The following PRSS38 variants were observed in gnomAD, a reference collection of about 807,000 sequenced individuals.
PRSS38 encodes the protein marapsin 2.
Under a neutral mutation model 26.8 loss-of-function variants are expected in PRSS38, and 22 were observed. The observed-to-expected ratio is 0.82, with a 90% confidence interval of 0.59 to 1.17. The LOEUF (loss-of-function observed/expected upper bound fraction) is 1.17, where lower values mean the gene tolerates loss of function less well. Ranked by LOEUF, PRSS38 falls within the 50% of genes most tolerant of loss-of-function variation. PRSS38 has a pLI of 0.00. For synonymous variants in PRSS38, 175 were observed against 172.1 expected, an observed-to-expected ratio of 1.02 and a Z score of -0.13; for missense variants, 427 against 422.7, an observed-to-expected ratio of 1.01 and a Z score of -0.09.
intron 3 of PRSS38, among the ~76,000 whole-genome samples, chr1:227,829,631 T>C (rs1047619664): frequency 6.6e-6 from 1 of 152,230 alleles, no homozygotes; most frequent in Admixed American, 6.5e-5. Flanking sequence ...CTCAATTTCA[T>C]TTTAATTGTT....
In PRSS38 at chr1:227,817,203, C is replaced by A. The variant is rs1214183326; in HGVS notation, c.312-6C>A. On this transcript the variant is annotated splice_region_variant and splice_polypyrimidine_tract_variant and intron_variant, in intron 2 of 4. Coordinates refer to ENST00000366757, the Ensembl canonical transcript of PRSS38. ...GGGCATTGTACCTCTGTTCTCACCCCCACAGGGACAAGAATATCAAAATCT... is the reference window on the plus strand; with the variant it reads ...GGGCATTGTACCTCTGTTCTCACCCACACAGGGACAAGAATATCAAAATCT... 1 of 1,611,482 alleles carries A rather than the reference C, an allele frequency of 6.2e-7. No homozygotes were observed. The highest frequency in any genetic ancestry group is 1.7e-5 in the Admixed American group (1 of 59,984).
intron 3 of PRSS38, among the ~76,000 whole-genome samples, chr1:227,824,608 T>C (rs1048965835): frequency 6.6e-6 from 1 of 152,214 alleles, no homozygotes; most frequent in Non-Finnish European, 1.5e-5. Flanking sequence ...CTGGGTCAGA[T>C]AGTATTTCTG....
At chr1:227,820,876 T>G (rs1036544164) in intron 3 of PRSS38, among the ~76,000 whole-genome samples, 1 of 152,214 alleles carries the variant, frequency 6.6e-6, no homozygotes, top group Non-Finnish European at 1.5e-5. Flanking sequence ...GAGATTCTTA[T>G]TGTTGAATCA....
exon 3 of PRSS38, chr1:227,817,410 T>C: frequency 2.5e-6 from 4 of 1,614,156 alleles, no homozygotes; most frequent in Non-Finnish European, 3.4e-6. Context: ...CGGTTTGCCT[T>C]GCAACTCCAG....
rs537495711 is a variant in PRSS38 at position 227,815,861 on chromosome 1, G to A, written c.145G>A (p.Val49Met). Reference sequence around the variant, plus strand: ...CCAGGGAATCTCCCTAACTGGCAGCGTGGGTAGGCCCTGCCCCAGGGGCGG... The same window carrying A: ...CCAGGGAATCTCCCTAACTGGCAGCATGGGTAGGCCCTGCCCCAGGGGCGG... The change falls in exon 1 of 5, where the codon GTG becomes ATG. Residue 49 changes from valine to methionine, a missense_variant. By Grantham distance (21) the Val-to-Met change is conservative. Coordinates refer to ENST00000366757, the Ensembl canonical transcript of PRSS38. 30 of 1,604,726 alleles carry A rather than the reference G, an allele frequency of 1.9e-5. No individual in the cohort carries two copies. In the South Asian group the frequency reaches 2.0e-4, roughly 11 times the overall value.
chr1:227,824,750 A>G (rs567952656), intron 3 of PRSS38, among the ~76,000 whole-genome samples: 1 of 152,292 alleles, frequency 6.6e-6, no homozygotes, highest in South Asian at 2.1e-4. Flanking sequence ...TTGACTTTTT[A>G]GTAATAGCCA....
exon 3 of PRSS38, chr1:227,817,428 C>G (rs1664939788): frequency 6.2e-7 from 1 of 1,614,032 alleles, no homozygotes; most frequent in Non-Finnish European, 8.5e-7. Flanking sequence ...CAGAAGTGAA[C>G]CTTACCAGTG....
At chr1:227,843,678 G>A (rs1377176957) in intron 3 of PRSS38, among the ~76,000 whole-genome samples, 1 of 151,768 alleles carries the variant, frequency 6.6e-6, no homozygotes, top group African/African-American at 2.4e-5. Context: ...TTGCACTCCA[G>A]CCTGGGCAAT....
In PRSS38 at chr1:227,817,208, G is replaced by A; in HGVS notation, c.312-1G>A. On this transcript the variant is annotated splice_acceptor_variant, in intron 2 of 4. Coordinates refer to ENST00000366757, the Ensembl canonical transcript of PRSS38. LOFTEE classifies it high-confidence loss of function. ...TTGTACCTCTGTTCTCACCCCCACA[G>A]GGACAAGAATATCAAAATCTATGAC... 6.2e-7 allele frequency: 1 copy of A among 1,612,062 alleles called. No homozygotes were observed. Among genetic ancestry groups the A allele is most frequent in the Non-Finnish European group, 8.5e-7 (1 of 1,178,450 alleles).
At chr1:227,830,627 G>A (rs1244876520) in intron 3 of PRSS38, among the ~76,000 whole-genome samples, 1 of 150,784 alleles carries the variant, frequency 6.6e-6, no homozygotes, top group Non-Finnish European at 1.5e-5. Context: ...GAGTAGCTGG[G>A]ATTACAGGCG....
chr1:227,829,659 A>T (rs548904168), intron 3 of PRSS38, among the ~76,000 whole-genome samples: 112 of 152,306 alleles, frequency 7.4e-4, no homozygotes, highest in African/African-American at 2.6e-3. Flanking sequence ...AGCATATTGA[A>T]GTACACTTGA....
chr1:227,827,414 G>T (rs1665089136), intron 3 of PRSS38, among the ~76,000 whole-genome samples: 1 of 152,060 alleles, frequency 6.6e-6, no homozygotes, highest in East Asian at 1.9e-4. Context: ...TCTTGGGAGG[G>T]TGTATGTGTT....
intron 3 of PRSS38, among the ~76,000 whole-genome samples, chr1:227,843,143 A>G (rs1024416745): frequency 2.0e-5 from 3 of 152,166 alleles, no homozygotes; most frequent in Non-Finnish European, 4.4e-5. Flanking sequence ...CAGAATTAGT[A>G]AAAAAGCCAT....
intron 3 of PRSS38, among the ~76,000 whole-genome samples, chr1:227,832,083 G>A (rs1665160994): frequency 6.6e-6 from 1 of 152,122 alleles, no homozygotes; most frequent in Admixed American, 6.5e-5. Context: ...TTGTTTTAAA[G>A]TCTGTTTTGT....
intron 3 of PRSS38, among the ~76,000 whole-genome samples, chr1:227,832,330 C>T (rs923199986): frequency 2.6e-5 from 4 of 152,092 alleles, no homozygotes; most frequent in African/African-American, 9.7e-5. Context: ...TTAAATTTGC[C>T]ATTTTGCTAA....
chr1:227,838,555 C>T (rs1665271208), intron 3 of PRSS38, among the ~76,000 whole-genome samples: 1 of 152,216 alleles, frequency 6.6e-6, no homozygotes. Context: ...TTCCATGGCT[C>T]TTGGTCCTGT....
chr1:227,825,993 T>C lies in PRSS38; in HGVS notation c.583+8513T>C, dbSNP rs1302214209. Among the ~76,000 whole-genome samples, 5 of 152,364 alleles carry C rather than the reference T, an allele frequency of 3.3e-5. No individual in the cohort carries two copies. In the East Asian group the frequency reaches 9.6e-4, roughly 29 times the overall value. On this transcript the variant is annotated intron_variant, in intron 3 of 4. Transcript: ENST00000366757. ...AGGCAATATGGTCATTTTCACAATA[T>C]TGATTCTTCCTGTCTGTGAGCATGG...
intron 3 of PRSS38, 21 bp downstream of exon 3, chr1:227,817,501 T>G: frequency 6.2e-7 from 1 of 1,606,178 alleles, no homozygotes; most frequent in Non-Finnish European, 8.5e-7. Context: ...AGTGCAGGGC[T>G]TTGTGGGCAG....
chr1:227,828,912 G>A (rs952284944), intron 3 of PRSS38, among the ~76,000 whole-genome samples: 1 of 152,130 alleles, frequency 6.6e-6, no homozygotes, highest in Middle Eastern at 3.2e-3. Context: ...TGGTGATACT[G>A]GCTTATGAGA....
Sources: gnomAD v4.1 joint callset for allele counts (sites outside exome capture counted in the v4.1 genomes callset) on GRCh38, gnomAD v4.1.1 for gene constraint, MANE v1.5 for transcripts, NCBI Gene and HGNC (gene_info 2026-07-23, HGNC 2026-07-21) for gene names.